The following ST3GAL2 variants were observed in gnomAD, a reference collection of about 807,000 sequenced individuals.
ST3GAL2 encodes the protein CMP-N-acetylneuraminate-beta-galactosamide-alpha-2,3-sialyltransferase 2.
In ST3GAL2, 16 loss-of-function variants were observed where a neutral mutation model predicts 37.5. The observed-to-expected ratio is 0.43, with a 90% confidence interval of 0.29 to 0.65. ST3GAL2 has a LOEUF of 0.65. Among genes scored for constraint, ST3GAL2 ranks in the 30% least tolerant of loss-of-function variants. The pLI, the probability that ST3GAL2 is intolerant of heterozygous loss-of-function variation, is 0.17. For missense variants in ST3GAL2, 383 were observed against 487.8 expected, an observed-to-expected ratio of 0.79 and a Z score of 2.02; for synonymous variants, 238 against 202.9, an observed-to-expected ratio of 1.17 and a Z score of -1.47.
intron 1 of ST3GAL2, among the ~76,000 whole-genome samples, chr16:70,429,007 G>A (rs996598512): frequency 5.3e-5 from 8 of 152,252 alleles, no homozygotes; most frequent in Non-Finnish European, 1.0e-4. Context: ...AAAGAGACCA[G>A]ATGGAGTTTT....
At chr16:70,388,670 C>A in intron 3 of ST3GAL2, 124 bp from the exon 4 acceptor site, 2 of 1,047,452 alleles carry the variant, frequency 1.9e-6, no homozygotes, top group Non-Finnish European at 2.7e-6. Flanking sequence ...CTAGCAATTC[C>A]ATTGCTAGAA....
At position 70,376,590 on chromosome 16, in the gene ST3GAL2, T is replaced by G. The variant is rs1380537078; in HGVS notation, c.*5099A>C. ...GGAGCTGTGATTTTTTTCACAAAAG[T>G]AGTGAGAAGGGGCATTGATTCCTAA... is the stretch of plus-strand genomic sequence containing the variant. On this transcript the variant is annotated 3_prime_UTR_variant, in exon 7 of 7. Transcript: ENST00000342907. 2.0e-5 allele frequency: 3 copies of G among 152,154 alleles called. No homozygotes were observed. Among genetic ancestry groups the G allele is most frequent in the Non-Finnish European group, 4.4e-5 (3 of 68,030 alleles). 9.4% of individuals were successfully genotyped at this position (152,154 alleles called of 1,614,324 possible).
At chr16:70,396,085 C>T (rs920054105) in intron 2 of ST3GAL2, among the ~76,000 whole-genome samples, 1 of 151,606 alleles carries the variant, frequency 6.6e-6, no homozygotes, top group South Asian at 2.1e-4. Flanking sequence ...GATTCTCCTG[C>T]CTCAGCCTCC....
intron 1 of ST3GAL2, among the ~76,000 whole-genome samples, chr16:70,435,571 C>T (rs539551109): frequency 6.6e-6 from 1 of 152,030 alleles, no homozygotes; most frequent in African/African-American, 2.4e-5. Context: ...GCATTCCAGC[C>T]TGGGCAACAA....
At chr16:70,427,852 A>C (rs1376456141) in intron 1 of ST3GAL2, among the ~76,000 whole-genome samples, 4 of 152,104 alleles carry the variant, frequency 2.6e-5, no homozygotes. Flanking sequence ...GTCATTCTTC[A>C]CCTCCAGCAG....
At chr16:70,431,072 A>T (rs902767272) in intron 1 of ST3GAL2, among the ~76,000 whole-genome samples, 1 of 150,882 alleles carries the variant, frequency 6.6e-6, no homozygotes, top group Non-Finnish European at 1.5e-5. Context: ...GGAAGCCTGC[A>T]AAGAAGACAG....
At chr16:70,427,505 AT>A (rs1304594226) in intron 1 of ST3GAL2, among the ~76,000 whole-genome samples, 1 of 151,714 alleles carries the variant, frequency 6.6e-6, no homozygotes. Flanking sequence ...TGCCTGGCTA[AT>A]TTTTGTATTT....
chr16:70,394,188 T>C (rs879367730), intron 3 of ST3GAL2, among the ~76,000 whole-genome samples: 2 of 152,156 alleles, frequency 1.3e-5, no homozygotes, highest in Non-Finnish European at 2.9e-5. Context: ...CGGCTGGGCA[T>C]AGAGGTCTTG....
chr16:70,381,612 G>A lies in ST3GAL2; in HGVS notation c.*77C>T, dbSNP rs536866605. The A allele has an allele frequency of 1.6e-3, 2,518 of 1,533,366 alleles. 1 individual carries two copies. Among genetic ancestry groups the A allele is most frequent in the Non-Finnish European group, 2.1e-3 (2,410 of 1,137,286 alleles). 95.0% of individuals were successfully genotyped at this position (1,533,366 alleles called of 1,614,324 possible). A position where few individuals can be genotyped will look rare whatever the true frequency, so the allele number is the denominator to read the frequency against. On this transcript the variant is annotated 3_prime_UTR_variant, in exon 7 of 7. Transcript: ENST00000342907. Reference sequence around the variant, plus strand: ...CCTGGGCTGCAGCATGATTGGTCGCGGGTTGCTGGTCCTGGGTCCCGGGCC... The same window carrying A: ...CCTGGGCTGCAGCATGATTGGTCGCAGGTTGCTGGTCCTGGGTCCCGGGCC...
intron 1 of ST3GAL2, among the ~76,000 whole-genome samples, chr16:70,420,469 A>C (rs1229491298): frequency 6.6e-6 from 1 of 152,144 alleles, no homozygotes; most frequent in Non-Finnish European, 1.5e-5. Flanking sequence ...AGGGTGGTCA[A>C]GTAGTCTGGA....
rs1291682926 is a variant in ST3GAL2 at position 70,376,801 on chromosome 16, G to T, written c.*4888C>A. ...TCTGTCGCTCAGGCTGGAGTGCAGT[G>T]GCTCAATCTCGGCTCACCACAACTT... On this transcript the variant is annotated 3_prime_UTR_variant, in exon 7 of 7. Transcript: ENST00000342907. 1 of 151,612 alleles carries T rather than the reference G, an allele frequency of 6.6e-6. No homozygotes were observed. Among genetic ancestry groups the T allele is most frequent in the Non-Finnish European group, 1.5e-5 (1 of 67,962 alleles). The allele number at this position is 151,612 out of a possible 1,614,324, so 9.4% of individuals were successfully genotyped here.
rs1308911237 is a variant in ST3GAL2, at chr16:70,438,987, G to A, written c.-1042C>T. On this transcript the variant is annotated 5_prime_UTR_variant, in exon 1 of 7. Coordinates refer to ENST00000342907, the MANE Select transcript of ST3GAL2 (RefSeq NM_006927.4). ...CGGCGCCGCGCGGGCCATGCTCGCC[G>A]CTCCGGCCGCCGCCGCCGCCCGCGC... 1 of 147,742 alleles carries A rather than the reference G, an allele frequency of 6.8e-6. No individual in the cohort carries two copies. The highest frequency in any genetic ancestry group is 1.4e-5 in the Non-Finnish European group (1 of 72,432). The allele number at this position is 147,742 out of a possible 1,614,324, so 9.2% of individuals were successfully genotyped here.
intron 1 of ST3GAL2, among the ~76,000 whole-genome samples, chr16:70,404,454 T>G (rs981572957): frequency 6.6e-6 from 1 of 152,108 alleles, no homozygotes; most frequent in African/African-American, 2.4e-5. Flanking sequence ...ATGCTCAACG[T>G]CATTAATCAT....
Position 70,377,479 on chromosome 16 carries a change from G to C in ST3GAL2, c.*4210C>G, listed in dbSNP as rs113219817. 0.13 allele frequency: 11,235 copies of C among 86,826 alleles called. 1,593 individuals carry two copies. Among genetic ancestry groups the C allele is most frequent in the African/African-American group, 0.36 (10,573 of 29,586 alleles). The allele number at this position is 86,826 out of a possible 1,614,324, so 5.4% of individuals were successfully genotyped here. A position where few individuals can be genotyped will look rare whatever the true frequency, so the allele number is the denominator to read the frequency against. On this transcript the variant is annotated 3_prime_UTR_variant, in exon 7 of 7. Coordinates refer to ENST00000342907, the MANE Select transcript of ST3GAL2 (RefSeq NM_006927.4). ...TGGGCAATGGAGAGAGACTCCATCT[G>C]AAAAAAAAAAAAAAAAAAGAGAAAA...
At chr16:70,421,228 T>A (rs1273579939) in intron 1 of ST3GAL2, among the ~76,000 whole-genome samples, 1 of 152,216 alleles carries the variant, frequency 6.6e-6, no homozygotes, top group African/African-American at 2.4e-5. Flanking sequence ...TGTGACCTAC[T>A]CAGGCAGGGC....
chr16:70,398,999 T>C lies in ST3GAL2; in HGVS notation c.-469A>G, dbSNP rs1597562999. On this transcript the variant is annotated 5_prime_UTR_variant, in exon 2 of 7. Transcript: ENST00000342907. ...CTCGTTCCCGGCAGCGGGGAAGCCC[T>C]AGAACTCCAATCACAACAGAGAGCA... 4.8e-6 allele frequency: 2 copies of C among 416,044 alleles called. No individual in the cohort carries two copies. Among genetic ancestry groups the C allele is most frequent in the East Asian group, 6.8e-5 (2 of 29,198 alleles). 25.8% of individuals were successfully genotyped at this position (416,044 alleles called of 1,614,324 possible).
chr16:70,404,578 C>A (rs1053467863), intron 1 of ST3GAL2, among the ~76,000 whole-genome samples: 1 of 152,164 alleles, frequency 6.6e-6, no homozygotes, highest in Non-Finnish European at 1.5e-5. Context: ...GACATTGGAA[C>A]CCTCAGACTT....
At chr16:70,389,453 C>T (rs897038699) in intron 3 of ST3GAL2, among the ~76,000 whole-genome samples, 1 of 151,416 alleles carries the variant, frequency 6.6e-6, no homozygotes, top group East Asian at 2.0e-4. Flanking sequence ...GGGACTACAA[C>T]ATGTGCCAGC....
intron 1 of ST3GAL2, among the ~76,000 whole-genome samples, chr16:70,429,484 C>T (rs74961676): frequency 6.7e-6 from 1 of 149,508 alleles, no homozygotes; most frequent in Non-Finnish European, 1.5e-5. Context: ...TCCCAGCTAG[C>T]AGGCTGAGGC....
Sources: gnomAD v4.1 joint callset for allele counts (sites outside exome capture counted in the v4.1 genomes callset) on GRCh38, gnomAD v4.1.1 for gene constraint, MANE v1.5 for transcripts, NCBI Gene and HGNC (gene_info 2026-07-23, HGNC 2026-07-21) for gene names.